MED26: variants seen among roughly 807,000 people sequenced by gnomAD.
MED26 encodes the protein mediator complex subunit 26.
Under a neutral mutation model 43.7 loss-of-function variants are expected in MED26, and 7 were observed. The observed-to-expected ratio is 0.16, with a 90% CI of 0.09 to 0.30. MED26 has a LOEUF of 0.30. MED26 is among the 10% of genes least tolerant of loss of function. The pLI, the probability that MED26 is intolerant of heterozygous loss-of-function variation, is 1.00. For missense variants in MED26, 784 were observed against 840.6 expected (o/e 0.93, Z 0.83); for synonymous variants, 375 against 371.1 (o/e 1.01, Z -0.12).
chr19:16,618,726 TC>T (rs1319685119), intron 1 of MED26, among the ~76,000 whole-genome samples: 2 of 152,192 alleles, frequency 1.3e-5, no homozygotes, highest in Non-Finnish European at 2.9e-5. Context: ...CCTTGATGTC[TC>T]CTGGGAACAT....
intron 1 of MED26, among the ~76,000 whole-genome samples, chr19:16,595,013 C>A (rs1488208179): frequency 6.6e-6 from 1 of 152,166 alleles, no homozygotes; most frequent in African/African-American, 2.4e-5. Flanking sequence ...TCTGCTCCTG[C>A]CGGTGGCCCC....
At chr19:16,619,374 A>T (rs866006863) in intron 1 of MED26, among the ~76,000 whole-genome samples, 1 of 152,170 alleles carries the variant, frequency 6.6e-6, no homozygotes, top group East Asian at 1.9e-4. Context: ...GTTAGCTACC[A>T]TGGTAACTAC....
At chr19:16,610,095 A>T (rs2086192997) in intron 1 of MED26, among the ~76,000 whole-genome samples, 1 of 152,014 alleles carries the variant, frequency 6.6e-6, no homozygotes, top group African/African-American at 2.4e-5. Context: ...GACCGTCTCT[A>T]TAAAAAATAC....
Position 16,579,268 on chromosome 19 carries a change from G to A in MED26, c.73-859C>T, listed in dbSNP as rs532655596. ...CAGCAGTACAGCTGACCAGGAGCCC[G>A]GCGTAGACTGGCCACAAGACAGGAA... On this transcript the variant is annotated intron_variant, in intron 1 of 2. Transcript: ENST00000263390. 1.9e-4 allele frequency among the ~76,000 whole-genome samples: 29 copies of A among 152,300 alleles called. No individual in the cohort carries two copies. The South Asian group carries it at 3.7e-3, about 20-fold the overall frequency.
chr19:16,609,336 A>AAAAAAAAAAAAAGAGAGAG lies in MED26; in HGVS notation c.72+18535_72+18536insCTCTCTCTTTTTTTTTTTT, dbSNP rs765489188. On this transcript the variant is annotated intron_variant, in intron 1 of 2. Coordinates refer to ENST00000263390, the MANE Select transcript of MED26 (RefSeq NM_004831.5). ...CAAAAAAAAAAAAAAAAAAAAAAAA[A>AAAAAAAAAAAAAGAGAGAG]AGAGAGAGAATAAGATATTAACCAA... Among the ~76,000 whole-genome samples, 26 of 142,356 alleles carry AAAAAAAAAAAAAGAGAGAG rather than the reference A, an allele frequency of 1.8e-4. 1 individual carries two copies. Among genetic ancestry groups the AAAAAAAAAAAAAGAGAGAG allele is most frequent in the South Asian group, 6.8e-4 (3 of 4,412 alleles). 93.4% of individuals were successfully genotyped at this position (142,356 alleles called of 152,430 possible).
At chr19:16,607,670 T>C (rs2086180161) in intron 1 of MED26, among the ~76,000 whole-genome samples, 1 of 152,226 alleles carries the variant, frequency 6.6e-6, no homozygotes, top group African/African-American at 2.4e-5. Context: ...GTCCAACCCA[T>C]GGCCCTCGGG....
chr19:16,577,578 G>A lies in MED26; in HGVS notation c.252C>T (p.Ile84=), dbSNP rs139528780. The A allele has an allele frequency of 8.0e-4, 1,289 of 1,609,710 alleles. 1 individual carries two copies. The highest frequency in any genetic ancestry group is 1.3e-3 in the Admixed American group (78 of 59,912). The change falls in exon 3 of 3, where the codon ATC becomes ATT. Residue 84 remains isoleucine, a synonymous_variant. Transcript: ENST00000263390. The surrounding 1 kb of genome is among the most constrained non-coding windows in gnomAD (Gnocchi z 8.1). Reference sequence around the variant, plus strand: ...CCGCCTCATGCTGGTGTGCCGGCTCGATGAGCTTCTGCCAGCTCCGCAGCA... The same window carrying A: ...CCGCCTCATGCTGGTGTGCCGGCTCAATGAGCTTCTGCCAGCTCCGCAGCA... ...KKLLRSWQKL[I]EPAHQHEAAL...
intron 1 of MED26, among the ~76,000 whole-genome samples, chr19:16,583,751 G>A (rs1192132901): frequency 6.6e-6 from 1 of 152,180 alleles, no homozygotes; most frequent in Non-Finnish European, 1.5e-5. Context: ...ACACTTTCAG[G>A]TCTTAGAATG....
At position 16,627,926 on chromosome 19, in the gene MED26, C is replaced by T; in HGVS notation, c.18G>A (p.Ala6=). 1.3e-6 allele frequency: 2 copies of T among 1,487,474 alleles called. No homozygotes were observed. The highest frequency in any genetic ancestry group is 1.8e-6 in the Non-Finnish European group (2 of 1,117,764). 92.1% of individuals were successfully genotyped at this position (1,487,474 alleles called of 1,614,324 possible). A position where few individuals can be genotyped will look rare whatever the true frequency, so the allele number is the denominator to read the frequency against. The change falls in exon 1 of 3, where the codon GCG becomes GCA. Residue 6 remains alanine, a synonymous_variant. Transcript: ENST00000263390. The part of the protein sequence containing the change: MTAAP[A]SPQQIRDRLL... ...GCCGGTCCCTGATCTGCTGCGGAGA[C>T]GCCGGAGCCGCTGTCATTGCCTGGG...
intron 1 of MED26, among the ~76,000 whole-genome samples, chr19:16,620,767 TCA>T (rs1345216941): frequency 6.6e-6 from 1 of 152,202 alleles, no homozygotes; most frequent in Non-Finnish European, 1.5e-5. Context: ...ATTCCAGGTG[TCA>T]CACACATACA....
chr19:16,585,622 T>A (rs2086067066), intron 1 of MED26, among the ~76,000 whole-genome samples: 1 of 151,760 alleles, frequency 6.6e-6, no homozygotes, highest in Non-Finnish European at 1.5e-5. Context: ...CTCAGAACTT[T>A]CTTTCCAGGT....
At chr19:16,627,734 G>C (rs1037987766) in intron 1 of MED26, 138 bp downstream of exon 1, 2 of 528,198 alleles carry the variant, frequency 3.8e-6, no homozygotes, top group Admixed American at 4.3e-5. Flanking sequence ...AGAAGCGAGA[G>C]GCAGGGATGG....
Position 16,577,786 on chromosome 19 carries a change from C to G in MED26, c.148-104G>C. The G allele has an allele frequency of 1.2e-6, 1 of 832,986 alleles. No individual in the cohort carries two copies. The highest frequency in any genetic ancestry group is 1.8e-6 in the Non-Finnish European group (1 of 545,948). 51.6% of individuals were successfully genotyped at this position (832,986 alleles called of 1,614,324 possible). On this transcript the variant is annotated intron_variant, in intron 2 of 2. Transcript: ENST00000263390. This position sits in a 1 kb window ranked among gnomAD's most constrained non-coding sequence, Gnocchi z 8.1. ...GCCCTGACAGTGAAATGACCCGGTT[C>G]CCACTGAGCCCTAAACTGCCAGCTT... is the stretch of plus-strand genomic sequence containing the variant.
At chr19:16,601,541 G>A (rs1019496556) in intron 1 of MED26, among the ~76,000 whole-genome samples, 1 of 152,222 alleles carries the variant, frequency 6.6e-6, no homozygotes, top group African/African-American at 2.4e-5. Context: ...AGGTGCTCCT[G>A]GCCTGGCAGG....
intron 1 of MED26, among the ~76,000 whole-genome samples, chr19:16,594,619 G>C (rs2086112267): frequency 6.6e-6 from 1 of 152,160 alleles, no homozygotes; most frequent in Non-Finnish European, 1.5e-5. Flanking sequence ...ACATGGAGAA[G>C]GTTCATTTTT....
intron 1 of MED26, chr19:16,597,598 C>T (rs1006267570): frequency 3.0e-5 from 12 of 396,878 alleles, no homozygotes; most frequent in Admixed American, 4.4e-5. Flanking sequence ...CCTGAGTTCA[C>T]CCTCTCTCTC....
chr19:16,586,015 C>T lies in MED26; in HGVS notation c.73-7606G>A, dbSNP rs543981596. On this transcript the variant is annotated intron_variant, in intron 1 of 2. Coordinates refer to ENST00000263390, the MANE Select transcript of MED26 (RefSeq NM_004831.5). The surrounding 1 kb of genome is among the most constrained non-coding windows in gnomAD (Gnocchi z 5.1). ...AAGGAACTGAGACTGAGTTTTGAGT[C>T]CCAGCAGCCCCTTGGCTTGCCTCTC... Among the ~76,000 whole-genome samples the T allele has an allele frequency of 6.6e-6, 1 of 152,356 alleles. No individual in the cohort carries two copies. Among genetic ancestry groups the T allele is most frequent in the Admixed American group, 6.5e-5 (1 of 15,308 alleles).
intron 1 of MED26, among the ~76,000 whole-genome samples, chr19:16,580,360 T>C (rs780066969): frequency 7.2e-5 from 11 of 151,956 alleles, no homozygotes; most frequent in Non-Finnish European, 1.3e-4. Flanking sequence ...TTAGCAGAGT[T>C]CAGCTCTTAT....
chr19:16,604,987 C>T (rs1291841771), intron 1 of MED26, among the ~76,000 whole-genome samples: 1 of 152,192 alleles, frequency 6.6e-6, no homozygotes, highest in Non-Finnish European at 1.5e-5. Context: ...ACAGCACCCA[C>T]CAGCAGTGCC....
Sources: gnomAD v4.1 joint callset for allele counts (sites outside exome capture counted in the v4.1 genomes callset) on GRCh38, gnomAD v4.1.1 for gene constraint, Gnocchi (gnomAD v3.1) non-coding constraint, MANE v1.5 for transcripts, NCBI Gene and HGNC (gene_info 2026-07-23, HGNC 2026-07-21) for gene names.